The following CFAP20DC variants were observed in gnomAD, a reference collection of about 807,000 sequenced individuals.
The protein encoded by CFAP20DC is CFAP20 domain containing.
CFAP20DC carries 84 observed loss-of-function variants against 101.7 expected under a neutral mutation model. That is an observed-to-expected ratio of 0.83 (90% CI 0.69 to 0.99). The LOEUF (loss-of-function observed/expected upper bound fraction) is 0.99, where lower values mean the gene tolerates loss of function less well. Ranked by LOEUF, CFAP20DC falls within the 50% of genes least tolerant of loss-of-function variation. CFAP20DC has a pLI of 0.00. For missense variants in CFAP20DC, 1,007 were observed against 970.3 expected, an observed-to-expected ratio of 1.04 and a Z score of -0.50; for synonymous variants, 359 against 351.2, an observed-to-expected ratio of 1.02 and a Z score of -0.25.
At chr3:58,844,193 G>C (rs1279931302) in intron 13 of CFAP20DC, among the ~76,000 whole-genome samples, 1 of 134,092 alleles carries the variant, frequency 7.5e-6, no homozygotes, top group African/African-American at 3.0e-5. Context: ...TGGACTAAAT[G>C]CTCCAATTAA....
At chr3:58,906,100 AAC>A (rs2083560497) in intron 6 of CFAP20DC, among the ~76,000 whole-genome samples, 1 of 152,188 alleles carries the variant, frequency 6.6e-6, no homozygotes, top group Admixed American at 6.5e-5. Flanking sequence ...TGATAATGGC[AAC>A]ATCCATCTCA....
At chr3:58,918,315 C>T (rs558100291) in intron 5 of CFAP20DC, among the ~76,000 whole-genome samples, 24 of 152,248 alleles carry the variant, frequency 1.6e-4, no homozygotes, top group African/African-American at 5.8e-4. Flanking sequence ...ATTGCAAAGA[C>T]AGGCTCTACT....
intron 15 of CFAP20DC, among the ~76,000 whole-genome samples, chr3:58,775,995 G>C (rs2071304953): frequency 6.6e-6 from 1 of 151,944 alleles, no homozygotes; most frequent in Non-Finnish European, 1.5e-5. Context: ...GCCTGCCTTG[G>C]CCTCCTAAAG....
At chr3:58,820,042 C>G (rs2075509940) in intron 14 of CFAP20DC, among the ~76,000 whole-genome samples, 1 of 149,796 alleles carries the variant, frequency 6.7e-6, no homozygotes, top group Non-Finnish European at 1.5e-5. Flanking sequence ...AGACAAAAAC[C>G]ACATGATTAT....
rs2108822165 is a variant in CFAP20DC at position 59,007,957 on chromosome 3, C to A, written c.278+31600G>T. Among the ~76,000 whole-genome samples the A allele has an allele frequency of 6.6e-6, 1 of 152,224 alleles. No individual in the cohort carries two copies. The highest frequency in any genetic ancestry group is 2.1e-4 in the South Asian group (1 of 4,814). On this transcript the variant is annotated intron_variant, in intron 4 of 16. Transcript: ENST00000482387. This position sits in a 1 kb window ranked among gnomAD's most constrained non-coding sequence, Gnocchi z 4.4. ...TGGGGAGCAATAGGGAAAATCTGCA[C>A]CTATATCCCAACAGACAGGCAGCCT...
chr3:58,754,000 TC>T, intron 15 of CFAP20DC, 137 bp from the exon 16 acceptor site: 1 of 602,222 alleles, frequency 1.7e-6, no homozygotes, highest in Non-Finnish European at 2.9e-6. Flanking sequence ...AAGACAGATG[TC>T]CAGATATCAA....
intron 13 of CFAP20DC, among the ~76,000 whole-genome samples, chr3:58,847,682 A>G (rs1397098382): frequency 6.7e-6 from 1 of 148,476 alleles, no homozygotes; most frequent in Non-Finnish European, 1.5e-5. Flanking sequence ...TACCCAAAGG[A>G]CTATAAATCA....
At chr3:58,904,435 C>G (rs1214469792) in intron 6 of CFAP20DC, among the ~76,000 whole-genome samples, 2 of 151,826 alleles carry the variant, frequency 1.3e-5, no homozygotes, top group Non-Finnish European at 2.9e-5. Flanking sequence ...AAGACCATAC[C>G]CCCTATCTTG....
chr3:58,767,916 T>A (rs1204333784), intron 15 of CFAP20DC, among the ~76,000 whole-genome samples: 1 of 152,220 alleles, frequency 6.6e-6, no homozygotes, highest in African/African-American at 2.4e-5. Context: ...CATCTTCAAG[T>A]AGTTTTGGCT....
chr3:58,809,403 TA>T (rs1486119431), intron 14 of CFAP20DC, among the ~76,000 whole-genome samples: 4 of 152,050 alleles, frequency 2.6e-5, no homozygotes, highest in Non-Finnish European at 5.9e-5. Context: ...GAAACTCACT[TA>T]AAACCGCTCA....
chr3:58,762,142 A>C, intron 15 of CFAP20DC, among the ~76,000 whole-genome samples: 1 of 152,118 alleles, frequency 6.6e-6, no homozygotes, highest in Non-Finnish European at 1.5e-5. Context: ...TGGGGTGTTA[A>C]AGTCTCCCAT....
At chr3:58,908,963 T>C (rs947501031) in intron 6 of CFAP20DC, among the ~76,000 whole-genome samples, 3 of 151,982 alleles carry the variant, frequency 2.0e-5, no homozygotes, top group African/African-American at 7.2e-5. Flanking sequence ...AGGAAGACAA[T>C]TTAAAAAAAT....
At position 58,971,830 on chromosome 3, in the gene CFAP20DC, G is replaced by A. The variant is rs915590099; in HGVS notation, c.279-34068C>T. Among the ~76,000 whole-genome samples the A allele has an allele frequency of 1.3e-5, 2 of 151,262 alleles. No homozygotes were observed. The highest frequency in any genetic ancestry group is 2.9e-5 in the Non-Finnish European group (2 of 67,854). On this transcript the variant is annotated intron_variant, in intron 4 of 16. Coordinates refer to ENST00000482387, the MANE Select transcript of CFAP20DC (RefSeq NM_001394063.1). This position sits in a 1 kb window ranked among gnomAD's most constrained non-coding sequence, Gnocchi z 4.1. Reference sequence around the variant, plus strand: ...GTGAATGGTATGATTCCACTTGTGGGAAAAAGGACTGTAATATCATACACA... The same window carrying A: ...GTGAATGGTATGATTCCACTTGTGGAAAAAAGGACTGTAATATCATACACA...
At chr3:58,779,018 A>G (rs1301029507) in intron 15 of CFAP20DC, among the ~76,000 whole-genome samples, 4 of 152,214 alleles carry the variant, frequency 2.6e-5, no homozygotes, top group Non-Finnish European at 5.9e-5. Flanking sequence ...CAGTTACACC[A>G]GATGTGCAGA....
rs1202966430 is a variant in CFAP20DC, at chr3:58,864,604, G to A, written c.1259-712C>T. Reference sequence around the variant, plus strand: ...CTCCTTTTAACTGCAGGAGGACAGAGTACTTAACCAGCTTCTTTAAAAAAA... The same window carrying A: ...CTCCTTTTAACTGCAGGAGGACAGAATACTTAACCAGCTTCTTTAAAAAAA... On this transcript the variant is annotated intron_variant, in intron 11 of 16. Transcript: ENST00000482387. The surrounding 1 kb of genome is among the most constrained non-coding windows in gnomAD (Gnocchi z 4.7). Among the ~76,000 whole-genome samples, 7 of 152,172 alleles carry A rather than the reference G, an allele frequency of 4.6e-5. No homozygotes were observed. Among genetic ancestry groups the A allele is most frequent in the Non-Finnish European group, 1.5e-5 (1 of 68,036 alleles).
intron 1 of CFAP20DC, 35 bp from the exon 2 acceptor site, chr3:59,047,289 C>T (rs1247801715): frequency 1.5e-6 from 2 of 1,375,890 alleles, no homozygotes; most frequent in African/African-American, 1.4e-5. Context: ...AAAGACAATG[C>T]TAACGAGGAA....
chr3:59,024,638 T>C (rs2093860944), intron 4 of CFAP20DC, among the ~76,000 whole-genome samples: 1 of 151,978 alleles, frequency 6.6e-6, no homozygotes, highest in African/African-American at 2.4e-5. Flanking sequence ...GAAAAAAAAA[T>C]ACAGAAATGA....
In CFAP20DC at chr3:58,742,510, G is replaced by A. The variant is rs1443529305; in HGVS notation, c.2395C>T (p.Leu799=). The A allele has an allele frequency of 6.2e-7, 1 of 1,609,432 alleles. No homozygotes were observed. Among genetic ancestry groups the A allele is most frequent in the South Asian group, 1.1e-5 (1 of 89,910 alleles). Residue 799 remains leucine, a synonymous_variant, in exon 17 of 17, where the codon CTG becomes TTG. Transcript: ENST00000482387. ...GTTTGGGGGTCAAAGTAACAGTTCA[G>A]ACAAGGGTCATACAACAAAGTCAGT... The part of the protein sequence containing the change: ...EVLTLLYDPC[L]NCYFDPQTGK...
At chr3:58,844,440 T>G (rs1474172951) in intron 13 of CFAP20DC, among the ~76,000 whole-genome samples, 15 of 139,286 alleles carry the variant, frequency 1.1e-4, no homozygotes, top group Non-Finnish European at 2.1e-4. Flanking sequence ...GGTAAAGGGA[T>G]CAATTCAACA....
Sources: gnomAD v4.1 joint callset for allele counts (sites outside exome capture counted in the v4.1 genomes callset) on GRCh38, gnomAD v4.1.1 for gene constraint, Gnocchi (gnomAD v3.1) non-coding constraint, MANE v1.5 for transcripts, NCBI Gene and HGNC (gene_info 2026-07-23, HGNC 2026-07-21) for gene names.